The following MAST2 variants were observed in gnomAD, a reference collection of about 807,000 sequenced individuals.
The protein encoded by MAST2 is microtubule associated serine/threonine kinase 2.
Under a neutral mutation model 147.4 loss-of-function variants are expected in MAST2, and 70 were observed. That is an observed-to-expected ratio of 0.47 (90% CI 0.39 to 0.58). The LOEUF is 0.58. MAST2 is among the 20% of genes least tolerant of loss of function. MAST2 has a pLI of 0.00. For synonymous variants in MAST2, 869 were observed against 896.8 expected (o/e 0.97, Z 0.55); for missense variants, 2,080 against 2,302.3 (o/e 0.90, Z 1.98).
At chr1:45,919,803 T>C (rs12130024) in intron 4 of MAST2, among the ~76,000 whole-genome samples, 1 of 152,140 alleles carries the variant, frequency 6.6e-6, no homozygotes, top group Non-Finnish European at 1.5e-5. Flanking sequence ...TTTTTTTTTT[T>C]TTTTTCATAG....
Position 45,956,635 on chromosome 1 carries a change from G to A in MAST2, c.501-2751G>A, listed in dbSNP as rs373425457. ...GCAAGCATTACTTTGAACTACATCCGATACAGCTTAGTGGTTTAGGTCATT... is the reference window on the plus strand; with the variant it reads ...GCAAGCATTACTTTGAACTACATCCAATACAGCTTAGTGGTTTAGGTCATT... On this transcript the variant is annotated intron_variant, in intron 4 of 28. Transcript: ENST00000361297. Among the ~76,000 whole-genome samples the A allele has an allele frequency of 6.5e-4, 99 of 152,294 alleles. 1 individual carries two copies. The highest frequency in any genetic ancestry group is 2.3e-3 in the African/African-American group (96 of 41,550).
At chr1:45,917,181 G>A (rs1159321999) in intron 4 of MAST2, among the ~76,000 whole-genome samples, 4 of 152,210 alleles carry the variant, frequency 2.6e-5, no homozygotes, top group East Asian at 1.9e-4. Flanking sequence ...TTGTCATCCT[G>A]TACCAACATT....
At chr1:45,861,576 G>T (rs989938164) in intron 3 of MAST2, among the ~76,000 whole-genome samples, 2 of 151,236 alleles carry the variant, frequency 1.3e-5, no homozygotes, top group Non-Finnish European at 2.9e-5. Flanking sequence ...CTTTTCATCT[G>T]TTGTGGTGGA....
intron 4 of MAST2, among the ~76,000 whole-genome samples, chr1:45,888,006 G>A (rs1371795517): frequency 6.6e-6 from 1 of 152,174 alleles, no homozygotes; most frequent in Non-Finnish European, 1.5e-5. Flanking sequence ...TGTAGTTGTT[G>A]GCGAGCTTTA....
At chr1:45,837,048 G>C (rs1212978351) in intron 3 of MAST2, among the ~76,000 whole-genome samples, 1 of 152,168 alleles carries the variant, frequency 6.6e-6, no homozygotes, top group East Asian at 1.9e-4. Flanking sequence ...ATGCTGTGCT[G>C]CTGATCTGAC....
At chr1:45,990,550 G>C (rs779696485) in intron 5 of MAST2, among the ~76,000 whole-genome samples, 11 of 152,146 alleles carry the variant, frequency 7.2e-5, no homozygotes, top group Non-Finnish European at 1.5e-4. Context: ...CTGGAGTTCA[G>C]TGGTGCAGTC....
chr1:45,971,805 G>C (rs72692633), intron 5 of MAST2, among the ~76,000 whole-genome samples: 2,026 of 152,128 alleles, frequency 0.013, 34 homozygotes, highest in Non-Finnish European at 0.021. Context: ...TATTCTTTTT[G>C]TATATATGTA....
chr1:46,030,799 C>T lies in MAST2; in HGVS notation c.2708+38C>T, dbSNP rs776198704. The T allele has an allele frequency of 7.8e-6, 12 of 1,532,324 alleles. No individual in the cohort carries two copies. The East Asian group carries it at 2.8e-4, about 36-fold the overall frequency. The allele number at this position is 1,532,324 out of a possible 1,614,324, so 94.9% of individuals were successfully genotyped here. A position where few individuals can be genotyped will look rare whatever the true frequency, so the allele number is the denominator to read the frequency against. ...AGTTCACCCAGGGTGGGCGACACAG[C>T]TATCCCTGCATTGTCACAGATCATG... On this transcript the variant is annotated intron_variant, in intron 22 of 28. Coordinates refer to ENST00000361297, the MANE Select transcript of MAST2 (RefSeq NM_015112.3).
At chr1:45,986,099 T>G (rs10890381) in intron 5 of MAST2, among the ~76,000 whole-genome samples, 43,368 of 152,074 alleles carry the variant, frequency 0.29, 6,308 homozygotes, top group South Asian at 0.39. Flanking sequence ...ATCGTAGATA[T>G]TCTTGCCTTG....
In MAST2 at chr1:45,829,452, C is replaced by G; in HGVS notation, c.339C>G (p.Leu113=). 2 of 1,611,500 alleles carry G rather than the reference C, an allele frequency of 1.2e-6. No individual in the cohort carries two copies. The highest frequency in any genetic ancestry group is 8.5e-7 in the Non-Finnish European group (1 of 1,179,158). ...LASSLSGKQL[L]PLSSSVHSSV... ...TTGTATTTGAAGGTAAGCAGCTGCT[C>G]CCTTTGTCCAGCAGTGTACATAGCA... Residue 113 remains leucine (L), a synonymous_variant, in exon 3 of 29, where the codon CTC becomes CTG. Transcript: ENST00000361297.
intron 3 of MAST2, among the ~76,000 whole-genome samples, chr1:45,878,921 C>A (rs1646720696): frequency 8.1e-6 from 1 of 124,108 alleles, no homozygotes; most frequent in Admixed American, 8.9e-5. Context: ...GATGTATAAT[C>A]CCAGCAGGCT....
chr1:45,888,002 T>G (rs1332716690), intron 4 of MAST2, among the ~76,000 whole-genome samples: 2 of 152,234 alleles, frequency 1.3e-5, no homozygotes, highest in African/African-American at 4.8e-5. Flanking sequence ...TGGATGTAGT[T>G]GTTGGCGAGC....
intron 6 of MAST2, among the ~76,000 whole-genome samples, chr1:46,001,220 T>G (rs1490944505): frequency 6.6e-6 from 1 of 152,226 alleles, no homozygotes; most frequent in Non-Finnish European, 1.5e-5. Context: ...TCCAAACTTC[T>G]GAGCTTAGGG....
At chr1:45,908,567 G>A (rs530980788) in intron 4 of MAST2, among the ~76,000 whole-genome samples, 4 of 152,064 alleles carry the variant, frequency 2.6e-5, no homozygotes, top group East Asian at 1.9e-4. Flanking sequence ...ATGTGGTTTC[G>A]TTTCCAAATA....
rs532248594 is a variant in MAST2 at position 45,844,966 on chromosome 1, A to G, written c.468+15385A>G. ...GGCAGAAGGTGGAAGGGCAATAGAG[A>G]AGAAATCCATTCCTGTAAGCCCTTT... On this transcript the variant is annotated intron_variant, in intron 3 of 28. Transcript: ENST00000361297. 2.0e-5 allele frequency among the ~76,000 whole-genome samples: 3 copies of G among 152,266 alleles called. No homozygotes were observed. The South Asian group carries it at 6.2e-4, about 32-fold the overall frequency.
intron 4 of MAST2, among the ~76,000 whole-genome samples, chr1:45,905,249 T>C (rs1650491598): frequency 6.7e-6 from 1 of 149,558 alleles, no homozygotes; most frequent in South Asian, 2.1e-4. Flanking sequence ...CCATCTCAGC[T>C]CACTGCAACC....
intron 1 of MAST2, among the ~76,000 whole-genome samples, chr1:45,819,635 C>T (rs1266781987): frequency 6.6e-6 from 1 of 151,866 alleles, no homozygotes; most frequent in Non-Finnish European, 1.5e-5. Flanking sequence ...AGGGATTAAC[C>T]AAAGAGATGA....
At chr1:45,900,173 C>CAAA (rs59051138) in intron 4 of MAST2, among the ~76,000 whole-genome samples, 634 of 53,820 alleles carry the variant, frequency 0.012, 34 homozygotes, top group African/African-American at 0.013. Context: ...CTCTCTCTCT[C>CAAA]AAAAAAAAAA....
intron 4 of MAST2, among the ~76,000 whole-genome samples, chr1:45,932,269 A>G (rs6669522): frequency 0.45 from 67,830 of 151,990 alleles, 15,328 homozygotes; most frequent in East Asian, 0.63. Flanking sequence ...GCTGGTCACC[A>G]AATGGTATTT....
Sources: allele counts gnomAD v4.1 joint callset (sites outside exome capture counted in the v4.1 genomes callset), GRCh38; gene constraint gnomAD v4.1.1; transcripts MANE v1.5; gene names NCBI Gene and HGNC (gene_info 2026-07-23, HGNC 2026-07-21).